KALRN: variants seen among roughly 807,000 people sequenced by gnomAD.
KALRN encodes kalirin RhoGEF kinase.
Under a neutral mutation model 353.7 loss-of-function variants are expected in KALRN, and 70 were observed. The ratio of observed to expected loss-of-function variants is 0.20; its 90% CI spans 0.16 to 0.24. KALRN has a LOEUF of 0.24. Among genes scored for constraint, KALRN ranks in the 10% least tolerant of loss-of-function variants. The pLI, the probability that KALRN is intolerant of heterozygous loss-of-function variation, is 1.00. For missense variants in KALRN, 2,791 were observed against 3,756.7 expected (o/e 0.74, Z 6.72); for synonymous variants, 1,391 against 1,434.8 (o/e 0.97, Z 0.69).
intron 10 of KALRN, among the ~76,000 whole-genome samples, chr3:124,366,818 C>T (rs2084782154): frequency 6.8e-6 from 1 of 146,136 alleles, no homozygotes; most frequent in Non-Finnish European, 1.5e-5. Context: ...GACGGGGTGG[C>T]TGGCTGGGCG....
chr3:124,520,187 G>A (rs2067048323), intron 33 of KALRN, among the ~76,000 whole-genome samples: 1 of 152,170 alleles, frequency 6.6e-6, no homozygotes, highest in Admixed American at 6.5e-5. Flanking sequence ...AGGAGGGAAT[G>A]AGGGAGCAGG....
intron 5 of KALRN, among the ~76,000 whole-genome samples, chr3:124,294,953 T>C (rs2076734011): frequency 6.6e-6 from 1 of 152,214 alleles, no homozygotes; most frequent in Non-Finnish European, 1.5e-5. Flanking sequence ...CACAGTCTCA[T>C]GTGGAGTTAG....
chr3:124,042,546 T>C (rs2040060181), intron 1 of KALRN, among the ~76,000 whole-genome samples: 1 of 152,042 alleles, frequency 6.6e-6, no homozygotes, highest in Non-Finnish European at 1.5e-5. Flanking sequence ...TGAGTTACTT[T>C]GGGAGGTGGA....
chr3:124,359,205 C>T (rs1050902257), intron 10 of KALRN, among the ~76,000 whole-genome samples: 2 of 152,216 alleles, frequency 1.3e-5, no homozygotes, highest in Non-Finnish European at 2.9e-5. Context: ...TTGCCCTTCT[C>T]TGCCTGTCCT....
chr3:124,566,348 T>C (rs2072827040), intron 34 of KALRN, among the ~76,000 whole-genome samples: 2 of 151,842 alleles, frequency 1.3e-5, no homozygotes, highest in Non-Finnish European at 2.9e-5. Flanking sequence ...AAAAAAAATT[T>C]AAAAATTAGC....
chr3:124,313,110 A>G (rs944739742), intron 6 of KALRN, among the ~76,000 whole-genome samples: 8 of 152,204 alleles, frequency 5.3e-5, no homozygotes, highest in Admixed American at 5.2e-4. Flanking sequence ...GAATGAGAGC[A>G]CTGATTTTCT....
At chr3:124,124,967 T>C in intron 1 of KALRN, among the ~76,000 whole-genome samples, 1 of 152,204 alleles carries the variant, frequency 6.6e-6, no homozygotes, top group East Asian at 1.9e-4. Flanking sequence ...GAGGTATACC[T>C]GTATATGGTA....
chr3:124,116,733 T>TA (rs2063495762), intron 1 of KALRN, among the ~76,000 whole-genome samples: 2 of 152,206 alleles, frequency 1.3e-5, no homozygotes, highest in African/African-American at 4.8e-5. Flanking sequence ...TTAGGAACAG[T>TA]AAGAGATTAA....
At chr3:124,534,429 G>T (rs1045191569) in intron 33 of KALRN, among the ~76,000 whole-genome samples, 4 of 152,086 alleles carry the variant, frequency 2.6e-5, no homozygotes, top group African/African-American at 9.7e-5. Context: ...TGCACAGAGG[G>T]CTTAAAACCT....
At chr3:124,643,009 G>A (rs1045173538) in intron 37 of KALRN, among the ~76,000 whole-genome samples, 1 of 151,690 alleles carries the variant, frequency 6.6e-6, no homozygotes, top group Admixed American at 6.6e-5. Flanking sequence ...TAGAGACAGG[G>A]TTTCTCCATG....
intron 34 of KALRN, among the ~76,000 whole-genome samples, chr3:124,600,050 C>T (rs1187298494): frequency 6.6e-6 from 1 of 152,218 alleles, no homozygotes; most frequent in Non-Finnish European, 1.5e-5. Context: ...GAACTGTTCT[C>T]AGTGAGATGT....
In KALRN at chr3:124,416,757, A is replaced by G. The variant is rs867228393; in HGVS notation, c.2542+3092A>G. 3.3e-5 allele frequency among the ~76,000 whole-genome samples: 5 copies of G among 152,258 alleles called. No individual in the cohort carries two copies. The South Asian group carries it at 1.0e-3, about 32-fold the overall frequency. On this transcript the variant is annotated intron_variant, in intron 14 of 59. Coordinates refer to ENST00000682506, the MANE Select transcript of KALRN (RefSeq NM_001388419.1). ...CTGAGGAATGTAAGACTTCAGAGAC[A>G]CAGGACTGAGGCAATAAATGGCTTG...
chr3:124,460,588 C>G (rs964663533), intron 23 of KALRN, among the ~76,000 whole-genome samples: 29 of 152,196 alleles, frequency 1.9e-4, no homozygotes, highest in African/African-American at 6.8e-4. Flanking sequence ...TCCTGAGCAC[C>G]TACCATGCAC....
intron 1 of KALRN, among the ~76,000 whole-genome samples, chr3:124,157,048 G>A (rs2069104741): frequency 1.3e-5 from 2 of 152,132 alleles, no homozygotes; most frequent in African/African-American, 4.8e-5. Flanking sequence ...ATATAATAGA[G>A]TCACAGACTT....
intron 51 of KALRN, among the ~76,000 whole-genome samples, chr3:124,689,855 G>C (rs969310811): frequency 2.8e-4 from 42 of 152,308 alleles, no homozygotes; most frequent in African/African-American, 9.6e-4. Flanking sequence ...CCTTCAAAAG[G>C]TTCACAAGTC....
chr3:124,637,881 CTG>C (rs368902700), intron 37 of KALRN, among the ~76,000 whole-genome samples: 72 of 152,328 alleles, frequency 4.7e-4, no homozygotes, highest in African/African-American at 1.7e-3. Flanking sequence ...TAGCCTGTGA[CTG>C]TCTCATGGAC....
chr3:124,343,037 A>G (rs1357494487), intron 9 of KALRN, among the ~76,000 whole-genome samples: 1 of 152,114 alleles, frequency 6.6e-6, no homozygotes, highest in Admixed American at 6.5e-5. Context: ...CAGCCTGTCT[A>G]TCTATAGACA....
At chr3:124,229,358 C>T (rs779424680) in intron 2 of KALRN, among the ~76,000 whole-genome samples, 2 of 152,198 alleles carry the variant, frequency 1.3e-5, no homozygotes, top group African/African-American at 2.4e-5. Flanking sequence ...TCTAGGCCTC[C>T]GGGATCAGAA....
At chr3:124,525,037 C>T (rs1183542547) in intron 33 of KALRN, among the ~76,000 whole-genome samples, 2 of 152,208 alleles carry the variant, frequency 1.3e-5, no homozygotes, top group Non-Finnish European at 2.9e-5. Context: ...AGCTGGTTCT[C>T]AGATCTGTCC....
Sources: allele counts gnomAD v4.1 joint callset (sites outside exome capture counted in the v4.1 genomes callset), GRCh38; gene constraint gnomAD v4.1.1; transcripts MANE v1.5; gene names NCBI Gene and HGNC (gene_info 2026-07-23, HGNC 2026-07-21).